SLC24A2: variants seen among roughly 807,000 people sequenced by gnomAD.
SLC24A2 encodes the protein sodium/potassium/calcium exchanger 2.
SLC24A2 carries 36 observed loss-of-function variants against 62.0 expected under a neutral mutation model. That is an observed-to-expected ratio of 0.58 (90% confidence interval 0.44 to 0.77). The LOEUF (loss-of-function observed/expected upper bound fraction) is 0.77. Ranked by LOEUF, SLC24A2 falls within the 30% of genes least tolerant of loss-of-function variation. SLC24A2 has a pLI of 0.00. For synonymous variants in SLC24A2, 358 were observed against 294.0 expected, an observed-to-expected ratio of 1.22 and a Z score of -2.23; for missense variants, 846 against 817.9, an observed-to-expected ratio of 1.03 and a Z score of -0.42.
chr9:20,096,712 A>G, the SLC24A2 span, among the ~76,000 whole-genome samples: 10 of 151,620 alleles, frequency 6.6e-5, no homozygotes, highest in East Asian at 2.0e-3. Context: ...TTTTTCTTAC[A>G]TTGGAGTTTT....
chr9:19,670,450 T>C (rs1338071999), intron 2 of SLC24A2, among the ~76,000 whole-genome samples: 1 of 152,198 alleles, frequency 6.6e-6, no homozygotes, highest in East Asian at 1.9e-4. Flanking sequence ...CATAATTTCC[T>C]ATGCATGATT....
intron 8 of SLC24A2, among the ~76,000 whole-genome samples, chr9:19,531,313 A>G (rs1303113633): frequency 6.6e-6 from 1 of 152,210 alleles, no homozygotes; most frequent in African/African-American, 2.4e-5. Context: ...TAGCAACTGT[A>G]CAGTCATTTA....
the SLC24A2 span, among the ~76,000 whole-genome samples, chr9:20,250,134 T>C: frequency 6.6e-6 from 1 of 152,238 alleles, no homozygotes; most frequent in African/African-American, 2.4e-5. Flanking sequence ...AGTATCATAC[T>C]TAATTCCCAT....
At chr9:19,597,522 C>CAGTT (rs1198537825) in intron 4 of SLC24A2, among the ~76,000 whole-genome samples, 1 of 152,112 alleles carries the variant, frequency 6.6e-6, no homozygotes, top group Non-Finnish European at 1.5e-5. Flanking sequence ...GAATAGGGCA[C>CAGTT]AGTTATCTTA....
At chr9:19,764,589 A>G (rs1032952146) in intron 2 of SLC24A2, among the ~76,000 whole-genome samples, 4 of 152,218 alleles carry the variant, frequency 2.6e-5, no homozygotes, top group Non-Finnish European at 4.4e-5. Flanking sequence ...CAAGTTATTC[A>G]ATTTCCATGT....
At chr9:19,553,916 T>C (rs1834960874) in intron 7 of SLC24A2, among the ~76,000 whole-genome samples, 1 of 152,206 alleles carries the variant, frequency 6.6e-6, no homozygotes, top group Non-Finnish European at 1.5e-5. Flanking sequence ...CTGCCTATTA[T>C]GGACTGAATT....
At chr9:19,855,191 A>G in the SLC24A2 span, among the ~76,000 whole-genome samples, 5 of 152,146 alleles carry the variant, frequency 3.3e-5, no homozygotes, top group African/African-American at 1.2e-4. Flanking sequence ...GTCTTTGCAC[A>G]TAAGATGGGT....
In SLC24A2 at chr9:19,788,876, C is replaced by G. The variant is rs371592360; in HGVS notation, c.-154+9G>C. 1.8e-4 allele frequency: 178 copies of G among 985,414 alleles called. 3 individuals are homozygous for G. The East Asian group carries it at 0.011, about 59-fold the overall frequency. The allele number at this position is 985,414 out of a possible 1,614,324, so 61.0% of individuals were successfully genotyped here. ...CAGCGGCAGGCGGGGCGCAGCCGCC[C>G]GCACTTACCAGGATAAGATGGGAGG... On this transcript the variant is annotated intron_variant, in intron 1 of 10. Transcript: ENST00000341998.
Position 19,555,245 on chromosome 9 carries a change from T to TC in SLC24A2, c.1348-4978dup, listed in dbSNP as rs560982192. On this transcript the variant is annotated intron_variant, in intron 7 of 10. Transcript: ENST00000341998. ...TACAGTGCAAGTTTATCCTAACTGA[T>TC]CTAGTGTTCTCTTTATGAGGACTCA... 1.9e-3 allele frequency among the ~76,000 whole-genome samples: 290 copies of TC among 152,328 alleles called. 1 individual carries two copies. The highest frequency in any genetic ancestry group is 6.5e-3 in the African/African-American group (271 of 41,578).
At chr9:19,635,786 G>A (rs1818295373) in intron 2 of SLC24A2, among the ~76,000 whole-genome samples, 1 of 152,114 alleles carries the variant, frequency 6.6e-6, no homozygotes, top group Non-Finnish European at 1.5e-5. Context: ...AATTCTTTAT[G>A]AGTAATTTTA....
chr9:20,163,374 A>G, the SLC24A2 span, among the ~76,000 whole-genome samples: 3 of 152,148 alleles, frequency 2.0e-5, no homozygotes, highest in Non-Finnish European at 4.4e-5. Flanking sequence ...GTGAACTCCC[A>G]TTCACAATTG....
At chr9:20,024,910 A>G in the SLC24A2 span, among the ~76,000 whole-genome samples, 2 of 152,168 alleles carry the variant, frequency 1.3e-5, no homozygotes, top group African/African-American at 4.8e-5. Context: ...AGGGGCAAAG[A>G]AAACCATTGT....
At chr9:19,871,463 A>T in the SLC24A2 span, among the ~76,000 whole-genome samples, 1 of 152,132 alleles carries the variant, frequency 6.6e-6, no homozygotes, top group Admixed American at 6.5e-5. Context: ...CTATTGATAT[A>T]CCTTTAAATT....
the SLC24A2 span, among the ~76,000 whole-genome samples, chr9:19,994,914 C>T: frequency 6.6e-6 from 1 of 152,172 alleles, no homozygotes; most frequent in Non-Finnish European, 1.5e-5. Context: ...TTTGAGAAGT[C>T]TGTTTTCCAG....
At chr9:20,021,692 C>T in the SLC24A2 span, among the ~76,000 whole-genome samples, 1 of 151,876 alleles carries the variant, frequency 6.6e-6, no homozygotes, top group East Asian at 1.9e-4. Context: ...TGTCTGCTTT[C>T]CAACTCCCCC....
chr9:19,881,469 C>T, the SLC24A2 span, among the ~76,000 whole-genome samples: 7 of 152,048 alleles, frequency 4.6e-5, no homozygotes, highest in East Asian at 1.9e-4. Context: ...TGGGAAAGTA[C>T]GGCACAAAAA....
rs142090637 is a variant in SLC24A2 at position 19,549,237 on chromosome 9, C to A, written c.1479+900G>T. Among the ~76,000 whole-genome samples, 160 of 152,330 alleles carry A rather than the reference C, an allele frequency of 1.1e-3. 1 individual carries two copies. The highest frequency in any genetic ancestry group is 3.7e-3 in the African/African-American group (152 of 41,562). ...ATGTGAGTAACCTTCCTGCTTCAGA[C>A]CTTCAGTTGCCCTTCTTACCTTCTC... On this transcript the variant is annotated intron_variant, in intron 8 of 10. Transcript: ENST00000341998.
chr9:19,664,215 A>C (rs1159195750), intron 2 of SLC24A2, among the ~76,000 whole-genome samples: 1 of 152,266 alleles, frequency 6.6e-6, no homozygotes, highest in Non-Finnish European at 1.5e-5. Flanking sequence ...TGTAGGAGTC[A>C]GAATCAAAAC....
chr9:20,113,422 G>A, the SLC24A2 span, among the ~76,000 whole-genome samples: 8 of 152,172 alleles, frequency 5.3e-5, no homozygotes, highest in Admixed American at 4.6e-4. Context: ...AATAGTGCTT[G>A]GCAAGTAAAA....
Sources: gnomAD v4.1 joint callset for allele counts (sites outside exome capture counted in the v4.1 genomes callset) on GRCh38, gnomAD v4.1.1 for gene constraint, MANE v1.5 for transcripts, NCBI Gene and HGNC (gene_info 2026-07-23, HGNC 2026-07-21) for gene names.